Variants in LHFPL3 observed in about 807,000 individuals in gnomAD.
The protein encoded by LHFPL3 is LHFPL tetraspan subfamily member 3 protein.
LHFPL3 carries 5 observed loss-of-function variants against 19.3 expected under a neutral mutation model. The observed-to-expected ratio is 0.26, with a 90% CI of 0.14 to 0.54. The LOEUF (loss-of-function observed/expected upper bound fraction) is 0.54. Ranked by LOEUF, LHFPL3 falls within the 20% of genes least tolerant of loss-of-function variation. The pLI is 0.94. For synonymous variants in LHFPL3, 133 were observed against 126.2 expected (o/e 1.05, Z -0.36); for missense variants, 249 against 307.4 (o/e 0.81, Z 1.42).
At chr7:104,708,525 C>T (rs559551767) in intron 1 of LHFPL3, among the ~76,000 whole-genome samples, 42 of 152,112 alleles carry the variant, frequency 2.8e-4, no homozygotes, top group Non-Finnish European at 4.7e-4. Context: ...TTTGTCCTCC[C>T]TGGCAATTGT....
intron 2 of LHFPL3, among the ~76,000 whole-genome samples, chr7:104,805,756 T>C (rs1419292499): frequency 1.3e-5 from 2 of 152,188 alleles, no homozygotes; most frequent in Non-Finnish European, 2.9e-5. Context: ...ATTTATGCTT[T>C]CTTATGGGGC....
At chr7:104,360,118 C>G (rs931868689) in intron 1 of LHFPL3, among the ~76,000 whole-genome samples, 2 of 152,188 alleles carry the variant, frequency 1.3e-5, no homozygotes, top group African/African-American at 4.8e-5. Context: ...GAGCTAGTCA[C>G]CAGGAAGTGC....
intron 1 of LHFPL3, among the ~76,000 whole-genome samples, chr7:104,438,819 A>T (rs533913014): frequency 1.0e-4 from 10 of 97,466 alleles, no homozygotes; most frequent in African/African-American, 4.2e-4. Context: ...TTGATTTTTT[A>T]AAAAAACAAC....
chr7:104,521,099 C>G (rs1336712678), intron 1 of LHFPL3, among the ~76,000 whole-genome samples: 3 of 152,056 alleles, frequency 2.0e-5, no homozygotes, highest in African/African-American at 7.2e-5. Flanking sequence ...CTACAAATTT[C>G]CCTCTACACA....
chr7:104,772,526 A>AGCAGT, intron 2 of LHFPL3, among the ~76,000 whole-genome samples: 1 of 152,190 alleles, frequency 6.6e-6, no homozygotes, highest in Middle Eastern at 3.2e-3. Context: ...CAGCAGTCAC[A>AGCAGT]GCAGTGCCCT....
At chr7:104,744,847 C>T (rs562990389) in intron 2 of LHFPL3, among the ~76,000 whole-genome samples, 1 of 152,318 alleles carries the variant, frequency 6.6e-6, no homozygotes, top group South Asian at 2.1e-4. Flanking sequence ...GTCTCCTTTG[C>T]CAATTCCTCT....
At position 104,458,723 on chromosome 7, in the gene LHFPL3, CT is replaced by C. The variant is rs561889582; in HGVS notation, c.445+129501del. Among the ~76,000 whole-genome samples the C allele has an allele frequency of 3.5e-4, 50 of 144,538 alleles. No homozygotes were observed. The South Asian group carries it at 5.9e-3, about 17-fold the overall frequency. The allele number at this position is 144,538 out of a possible 152,430, so 94.8% of individuals were successfully genotyped here. ...CTGCATTTTTAAGGCATCTTTCTTT[CT>C]TAAAAAAAAAAAAAACCTTTATGTG... is the stretch of plus-strand genomic sequence containing the variant. On this transcript the variant is annotated intron_variant, in intron 1 of 2. Transcript: ENST00000424859.
intron 1 of LHFPL3, among the ~76,000 whole-genome samples, chr7:104,389,036 C>G (rs1461974273): frequency 6.6e-6 from 1 of 152,032 alleles, no homozygotes; most frequent in African/African-American, 2.4e-5. Context: ...TTTTGTAAGA[C>G]AAAGAAATAG....
intron 1 of LHFPL3, among the ~76,000 whole-genome samples, chr7:104,456,643 C>T (rs775457544): frequency 2.1e-4 from 32 of 152,206 alleles, no homozygotes; most frequent in Non-Finnish European, 4.4e-4. Flanking sequence ...TGACGCACTT[C>T]ATGGCTTTTC....
rs555679755 is a variant in LHFPL3 at position 104,858,465 on chromosome 7, C to A, written c.683-47722C>A. 7.9e-5 allele frequency among the ~76,000 whole-genome samples: 12 copies of A among 152,268 alleles called. No individual in the cohort carries two copies. In the East Asian group the frequency reaches 1.9e-3, roughly 24 times the overall value. Reference sequence around the variant, plus strand: ...ACATGGTGATGTATCTACATACATACCTCTAGCCTCTGCTGCCCACTCCCT... The same window carrying A: ...ACATGGTGATGTATCTACATACATAACTCTAGCCTCTGCTGCCCACTCCCT... On this transcript the variant is annotated intron_variant, in intron 2 of 2. Transcript: ENST00000424859.
intron 1 of LHFPL3, among the ~76,000 whole-genome samples, chr7:104,583,995 A>G (rs1194128430): frequency 6.6e-6 from 1 of 152,196 alleles, no homozygotes; most frequent in African/African-American, 2.4e-5. Flanking sequence ...GCTGCTATAA[A>G]GACACATGAA....
At chr7:104,437,331 TTCC>T (rs1792128898) in intron 1 of LHFPL3, among the ~76,000 whole-genome samples, 1 of 152,202 alleles carries the variant, frequency 6.6e-6, no homozygotes, top group Admixed American at 6.5e-5. Context: ...AATAAGTGGC[TTCC>T]TCCTGTTATA....
At chr7:104,537,518 T>C (rs1036802606) in intron 1 of LHFPL3, among the ~76,000 whole-genome samples, 1 of 152,332 alleles carries the variant, frequency 6.6e-6, no homozygotes, top group East Asian at 1.9e-4. Context: ...GCATCACTCA[T>C]ATCTGAAGCA....
chr7:104,606,964 A>G (rs1216549429), intron 1 of LHFPL3, among the ~76,000 whole-genome samples: 1 of 152,200 alleles, frequency 6.6e-6, no homozygotes, highest in Non-Finnish European at 1.5e-5. Flanking sequence ...CAAAACAAAA[A>G]AAAACAATCT....
chr7:104,472,759 G>C (rs1196221935), intron 1 of LHFPL3, among the ~76,000 whole-genome samples: 2 of 151,798 alleles, frequency 1.3e-5, no homozygotes, highest in African/African-American at 2.4e-5. Flanking sequence ...GTTTTTTTCT[G>C]CACATTTGGC....
intron 2 of LHFPL3, among the ~76,000 whole-genome samples, chr7:104,839,746 T>C (rs1279896760): frequency 1.3e-5 from 2 of 152,192 alleles, no homozygotes; most frequent in Non-Finnish European, 2.9e-5. Context: ...CTGTAACACT[T>C]GCTTGTGAAG....
intron 1 of LHFPL3, among the ~76,000 whole-genome samples, chr7:104,336,578 A>G (rs978943214): frequency 1.3e-5 from 2 of 152,140 alleles, no homozygotes; most frequent in Non-Finnish European, 2.9e-5. Context: ...GACATGAACC[A>G]TATCTGACTA....
intron 2 of LHFPL3, among the ~76,000 whole-genome samples, chr7:104,793,819 C>T (rs976191670): frequency 2.0e-5 from 3 of 152,222 alleles, no homozygotes; most frequent in Non-Finnish European, 4.4e-5. Context: ...CTTGTGGTAT[C>T]TCCCATAGGA....
At chr7:104,459,966 C>T (rs1276500316) in intron 1 of LHFPL3, among the ~76,000 whole-genome samples, 1 of 152,110 alleles carries the variant, frequency 6.6e-6, no homozygotes, top group African/African-American at 2.4e-5. Context: ...AGGTGCTAAG[C>T]CTAGTACCCA....
Sources: allele counts gnomAD v4.1 joint callset (sites outside exome capture counted in the v4.1 genomes callset), GRCh38; gene constraint gnomAD v4.1.1; transcripts MANE v1.5; gene names NCBI Gene and HGNC (gene_info 2026-07-23, HGNC 2026-07-21).